Variants in ZCCHC7 observed in about 807,000 individuals in gnomAD.
ZCCHC7 encodes zinc finger CCHC domain-containing protein 7.
Under a neutral mutation model 52.0 loss-of-function variants are expected in ZCCHC7, and 35 were observed. That is an observed-to-expected ratio of 0.67 (90% CI 0.51 to 0.89). The LOEUF (loss-of-function observed/expected upper bound fraction) is 0.89. ZCCHC7 is among the 40% of genes least tolerant of loss of function. The probability of loss-of-function intolerance (pLI) is 0.00; values close to 1 mark genes in which losing one functional copy is unlikely to be tolerated. For missense variants in ZCCHC7, 574 were observed against 649.1 expected (o/e 0.88, Z 1.26); for synonymous variants, 217 against 221.5 (o/e 0.98, Z 0.18).
chr9:37,304,770 A>G (rs995259522), intron 4 of ZCCHC7, among the ~76,000 whole-genome samples: 3 of 152,184 alleles, frequency 2.0e-5, no homozygotes, highest in Non-Finnish European at 2.9e-5. Flanking sequence ...AGAAATAATA[A>G]TAAATTTGGA....
intron 2 of ZCCHC7, among the ~76,000 whole-genome samples, chr9:37,143,206 C>T (rs1036769599): frequency 1.3e-5 from 2 of 151,054 alleles, no homozygotes; most frequent in Non-Finnish European, 3.0e-5. Flanking sequence ...TTCCTTTTTT[C>T]TTTTGGCAGT....
intron 2 of ZCCHC7, among the ~76,000 whole-genome samples, chr9:37,194,509 G>C (rs984589515): frequency 1.3e-5 from 2 of 152,226 alleles, no homozygotes; most frequent in Non-Finnish European, 2.9e-5. Context: ...AATAGAGAGT[G>C]TGTGGGGTTA....
intron 5 of ZCCHC7, among the ~76,000 whole-genome samples, chr9:37,310,110 G>T (rs188148237): frequency 2.0e-5 from 3 of 152,236 alleles, no homozygotes; most frequent in Non-Finnish European, 1.5e-5. Flanking sequence ...GTTGGAAATT[G>T]CTCATTGGTT....
intron 2 of ZCCHC7, among the ~76,000 whole-genome samples, chr9:37,209,099 G>A (rs769850340): frequency 2.6e-5 from 4 of 151,322 alleles, no homozygotes; most frequent in Non-Finnish European, 4.4e-5. Context: ...GGAGTGTAGT[G>A]GTGCGACCTC....
chr9:37,131,923 G>A (rs769445691), intron 2 of ZCCHC7, among the ~76,000 whole-genome samples: 44 of 152,330 alleles, frequency 2.9e-4, no homozygotes, highest in African/African-American at 9.4e-4. Flanking sequence ...TAGGCTTTCA[G>A]TGCCTATTAC....
chr9:37,221,044 G>A (rs1824783345), intron 2 of ZCCHC7, among the ~76,000 whole-genome samples: 1 of 152,194 alleles, frequency 6.6e-6, no homozygotes, highest in Non-Finnish European at 1.5e-5. Context: ...ACGCGGCGTT[G>A]CCTTAATCAA....
chr9:37,300,734 A>G (rs1366460011), intron 2 of ZCCHC7, among the ~76,000 whole-genome samples: 2 of 152,228 alleles, frequency 1.3e-5, no homozygotes, highest in Non-Finnish European at 2.9e-5. Flanking sequence ...AGGAGGACAG[A>G]GGAAATCTTA....
intron 2 of ZCCHC7, among the ~76,000 whole-genome samples, chr9:37,298,824 C>G (rs1828905254): frequency 6.6e-6 from 1 of 152,136 alleles, no homozygotes; most frequent in Non-Finnish European, 1.5e-5. Flanking sequence ...TTTTTTCCTT[C>G]TCTCCCTAAA....
intron 2 of ZCCHC7, among the ~76,000 whole-genome samples, chr9:37,266,139 A>G (rs909192923): frequency 6.6e-6 from 1 of 152,248 alleles, no homozygotes; most frequent in African/African-American, 2.4e-5. Context: ...TTTTTAAACT[A>G]AAATGATTTA....
chr9:37,354,540 T>G lies in ZCCHC7; in HGVS notation c.1084-170T>G, dbSNP rs1821580638. 1.3e-5 allele frequency among the ~76,000 whole-genome samples: 2 copies of G among 152,168 alleles called. No individual in the cohort carries two copies. Reference sequence around the variant, plus strand: ...AAAGAATATCATAACACAGTGGGGTTTAGGGCTGGGTGACCCTCCCAACAC... The same window carrying G: ...AAAGAATATCATAACACAGTGGGGTGTAGGGCTGGGTGACCCTCCCAACAC... On this transcript the variant is annotated intron_variant, in intron 7 of 8. Transcript: ENST00000336755. This position sits in a 1 kb window ranked among gnomAD's most constrained non-coding sequence, Gnocchi z 4.0.
chr9:37,125,591 T>C (rs566944995), intron 1 of ZCCHC7, among the ~76,000 whole-genome samples: 1 of 152,368 alleles, frequency 6.6e-6, no homozygotes, highest in South Asian at 2.1e-4. Context: ...ATTGAAGTAA[T>C]ATTCCTGTAT....
intron 2 of ZCCHC7, among the ~76,000 whole-genome samples, chr9:37,247,386 C>T (rs890832309): frequency 5.9e-5 from 9 of 152,102 alleles, no homozygotes; most frequent in African/African-American, 1.7e-4. Context: ...AGCAAAAAAC[C>T]ATTTCAATGA....
chr9:37,153,959 G>A (rs891349823), intron 2 of ZCCHC7, among the ~76,000 whole-genome samples: 18 of 152,050 alleles, frequency 1.2e-4, no homozygotes, highest in African/African-American at 2.7e-4. Context: ...GTACAATCAC[G>A]GTTCATTGCA....
chr9:37,337,041 A>C (rs1830701929), intron 6 of ZCCHC7, among the ~76,000 whole-genome samples: 1 of 152,186 alleles, frequency 6.6e-6, no homozygotes. Context: ...GGATTATTTA[A>C]CCTTTCAATT....
intron 5 of ZCCHC7, among the ~76,000 whole-genome samples, chr9:37,312,653 C>T (rs550266928): frequency 3.9e-4 from 59 of 152,344 alleles, no homozygotes; most frequent in African/African-American, 1.3e-3. Context: ...CGCAGTGGCT[C>T]ATGCCAGTAA....
chr9:37,256,887 A>G (rs1203691148), intron 2 of ZCCHC7, among the ~76,000 whole-genome samples: 2 of 152,226 alleles, frequency 1.3e-5, no homozygotes, highest in African/African-American at 2.4e-5. Context: ...TTTCAACTGC[A>G]TAACTGTGTA....
chr9:37,214,691 T>C (rs556925584), intron 2 of ZCCHC7, among the ~76,000 whole-genome samples: 62 of 152,204 alleles, frequency 4.1e-4, no homozygotes, highest in African/African-American at 1.5e-3. Context: ...TTTGATGTTT[T>C]ATGAAGCAGA....
intron 2 of ZCCHC7, among the ~76,000 whole-genome samples, chr9:37,164,528 AGAAG>A (rs1009816471): frequency 6.6e-6 from 1 of 151,982 alleles, no homozygotes; most frequent in African/African-American, 2.4e-5. Flanking sequence ...ACTCTGTCTC[AGAAG>A]GAAGGGAGGG....
intron 2 of ZCCHC7, among the ~76,000 whole-genome samples, chr9:37,253,525 C>A (rs542982117): frequency 3.3e-5 from 5 of 151,806 alleles, no homozygotes; most frequent in Admixed American, 3.3e-4. Context: ...CATGGTAAAC[C>A]GAATGACCTT....
Sources: allele counts gnomAD v4.1 joint callset (sites outside exome capture counted in the v4.1 genomes callset), GRCh38; gene constraint gnomAD v4.1.1; non-coding constraint Gnocchi (gnomAD v3.1); transcripts MANE v1.5; gene names NCBI Gene and HGNC (gene_info 2026-07-23, HGNC 2026-07-21).